The following ROBO2 variants were observed in gnomAD, a reference collection of about 807,000 sequenced individuals.
The protein encoded by ROBO2 is roundabout guidance receptor 2, also known as roundabout homolog 2.
In ROBO2, 53 loss-of-function variants were observed where a neutral mutation model predicts 160.8. The ratio of observed to expected loss-of-function variants is 0.33; its 90% CI spans 0.26 to 0.41. ROBO2 has a LOEUF of 0.41. Among genes scored for constraint, ROBO2 ranks in the 10% least tolerant of loss-of-function variants. The probability of loss-of-function intolerance (pLI) is 1.00; values close to 1 mark genes in which losing one functional copy is unlikely to be tolerated. For missense variants in ROBO2, 1,577 were observed against 1,722.4 expected (o/e 0.92, Z 1.49); for synonymous variants, 664 against 611.7 (o/e 1.09, Z -1.26).
At position 76,403,646 on chromosome 3, in the gene ROBO2, A is replaced by G. The variant is rs2077976053; in HGVS notation, c.109+466044A>G. ...CTTCTGTACAAGGTATGGTTTGAAG[A>G]CAATGATCATCATAAGCACTGGCAG... On this transcript the variant is annotated intron_variant, in intron 2 of 26. Coordinates refer to the ROBO2 transcript ENST00000487694. 3.3e-5 allele frequency among the ~76,000 whole-genome samples: 5 copies of G among 151,602 alleles called. No homozygotes were observed. In the Admixed American group the frequency reaches 3.3e-4, roughly 10 times the overall value.
At chr3:75,974,842 T>G (rs555711576) in intron 2 of ROBO2, among the ~76,000 whole-genome samples, 1 of 151,656 alleles carries the variant, frequency 6.6e-6, no homozygotes, top group African/African-American at 2.4e-5. Flanking sequence ...CACATTATAT[T>G]TATTCGATGG....
chr3:76,680,742 C>T (rs1208127544), intron 2 of ROBO2, among the ~76,000 whole-genome samples: 1 of 151,868 alleles, frequency 6.6e-6, no homozygotes, highest in Non-Finnish European at 1.5e-5. Context: ...ACCTTATCAC[C>T]ATTCAGTACA....
chr3:77,598,372 A>G (rs1049393274), intron 19 of ROBO2, among the ~76,000 whole-genome samples: 1 of 150,876 alleles, frequency 6.6e-6, no homozygotes, highest in African/African-American at 2.4e-5. Flanking sequence ...TCCCTTCTGC[A>G]AATAAAATAC....
At chr3:77,299,399 G>A (rs888946886) in intron 2 of ROBO2, among the ~76,000 whole-genome samples, 1 of 152,096 alleles carries the variant, frequency 6.6e-6, no homozygotes, top group African/African-American at 2.4e-5. Context: ...ACCTGAGACT[G>A]GGTAACTTAT....
intron 2 of ROBO2, among the ~76,000 whole-genome samples, chr3:77,321,877 G>A (rs569256841): frequency 2.6e-5 from 4 of 152,064 alleles, no homozygotes; most frequent in Admixed American, 6.6e-5. Context: ...TGTTTGAGAC[G>A]GATGAAAGGA....
At chr3:76,242,872 C>T (rs1253565142) in intron 2 of ROBO2, among the ~76,000 whole-genome samples, 1 of 152,086 alleles carries the variant, frequency 6.6e-6, no homozygotes, top group Non-Finnish European at 1.5e-5. Context: ...CCACAGAGCA[C>T]AGGGAGATCC....
At chr3:76,015,131 C>T (rs560104857) in intron 2 of ROBO2, among the ~76,000 whole-genome samples, 2 of 152,244 alleles carry the variant, frequency 1.3e-5, no homozygotes, top group Non-Finnish European at 2.9e-5. Context: ...GTATAAGAAT[C>T]ACACTATGTA....
chr3:76,279,164 C>CGA (rs1257518493), intron 2 of ROBO2, among the ~76,000 whole-genome samples: 1 of 150,272 alleles, frequency 6.7e-6, no homozygotes, highest in African/African-American at 2.4e-5. Flanking sequence ...GGTGTGTGTA[C>CGA]GAGAGAGAGA....
chr3:77,490,099 CTT>C (rs753903306), intron 4 of ROBO2, among the ~76,000 whole-genome samples: 2 of 126,644 alleles, frequency 1.6e-5, no homozygotes, highest in Non-Finnish European at 3.4e-5. Context: ...TTGTATTTTA[CTT>C]TTTTTTTTTT....
chr3:76,626,925 T>C (rs1405998143), intron 2 of ROBO2, among the ~76,000 whole-genome samples: 1 of 152,046 alleles, frequency 6.6e-6, no homozygotes, highest in African/African-American at 2.4e-5. Flanking sequence ...CTCCTGACCT[T>C]GTGGTCCGCC....
chr3:75,966,066 C>G (rs1032351728), intron 2 of ROBO2, among the ~76,000 whole-genome samples: 38 of 151,790 alleles, frequency 2.5e-4, no homozygotes, highest in Middle Eastern at 3.4e-3. Flanking sequence ...AGGTCACAAG[C>G]ATGTTCATCT....
chr3:76,814,772 T>C (rs2065513802), intron 2 of ROBO2, among the ~76,000 whole-genome samples: 1 of 152,056 alleles, frequency 6.6e-6, no homozygotes, highest in South Asian at 2.1e-4. Flanking sequence ...ATACATTTAT[T>C]TTACATTATG....
intron 2 of ROBO2, among the ~76,000 whole-genome samples, chr3:76,887,072 AGT>A (rs2073949317): frequency 6.6e-6 from 1 of 152,230 alleles, no homozygotes; most frequent in African/African-American, 2.4e-5. Context: ...GATTTAAAGC[AGT>A]GTGTTTCTTT....
At chr3:76,675,932 AT>A (rs531473647) in intron 2 of ROBO2, among the ~76,000 whole-genome samples, 8 of 152,088 alleles carry the variant, frequency 5.3e-5, no homozygotes, top group African/African-American at 1.9e-4. Context: ...GTATACTAAG[AT>A]TTTTTTTAGT....
chr3:76,800,195 T>C (rs896496317), intron 2 of ROBO2, among the ~76,000 whole-genome samples: 2 of 152,156 alleles, frequency 1.3e-5, no homozygotes. Flanking sequence ...AAGATGTCCA[T>C]CTCTTGCCAT....
intron 24 of ROBO2, among the ~76,000 whole-genome samples, chr3:77,638,825 T>TC (rs1385824144): frequency 6.9e-6 from 1 of 144,094 alleles, no homozygotes; most frequent in African/African-American, 2.6e-5. Context: ...TAGCTTTTTT[T>TC]TTTTTTTTTT....
chr3:77,236,149 C>T (rs541087134), intron 2 of ROBO2, among the ~76,000 whole-genome samples: 7 of 152,234 alleles, frequency 4.6e-5, no homozygotes, highest in East Asian at 1.9e-4. Context: ...ACCTGTAAGA[C>T]GTACATTGGC....
intron 1 of ROBO2, among the ~76,000 whole-genome samples, chr3:77,046,170 A>G (rs2064646846): frequency 1.3e-5 from 2 of 152,208 alleles, no homozygotes; most frequent in African/African-American, 4.8e-5. Flanking sequence ...GAACTGCAAG[A>G]CTATTTTCCA....
chr3:75,976,851 G>T lies in ROBO2; in HGVS notation c.109+39249G>T, dbSNP rs79059761. On this transcript the variant is annotated intron_variant, in intron 2 of 26. Coordinates refer to the ROBO2 transcript ENST00000487694. ...GCACAAACACGTTTCTTTGCCACATGTCTGTGGAAAGGGTTACTCCATACC... is the reference window on the plus strand; with the variant it reads ...GCACAAACACGTTTCTTTGCCACATTTCTGTGGAAAGGGTTACTCCATACC... 9.6e-3 allele frequency among the ~76,000 whole-genome samples: 1,458 copies of T among 151,556 alleles called. 26 individuals are homozygous for T. Among genetic ancestry groups the T allele is most frequent in the African/African-American group, 0.032 (1,333 of 41,436 alleles).
Sources: gnomAD v4.1 joint callset for allele counts (sites outside exome capture counted in the v4.1 genomes callset) on GRCh38, gnomAD v4.1.1 for gene constraint, MANE v1.5 for transcripts, NCBI Gene and HGNC (gene_info 2026-07-23, HGNC 2026-07-21) for gene names.